The following JADE3 variants were observed in gnomAD, a reference collection of about 807,000 sequenced individuals.
The protein encoded by JADE3 is jade family PHD finger 3, also known as protein Jade-3.
In JADE3, 2 loss-of-function variants were observed where a neutral mutation model predicts 50.1. The observed-to-expected ratio is 0.04, with a 90% CI of 0.02 to 0.13. The LOEUF (loss-of-function observed/expected upper bound fraction) is 0.13. Ranked by LOEUF, JADE3 falls within the 10% of genes least tolerant of loss-of-function variation. The pLI, the probability that JADE3 is intolerant of heterozygous loss-of-function variation, is 1.00. For synonymous variants in JADE3, 218 were observed against 232.9 expected (o/e 0.94, Z 0.58); for missense variants, 475 against 634.4 (o/e 0.75, Z 2.70).
At chrX:47,039,090 A>G (rs782320420) in intron 8 of JADE3, 25 bp downstream of exon 8, 3 of 851,571 alleles carry the variant, frequency 3.5e-6, no homozygotes, top group Admixed American at 4.7e-5. Context: ...GAAGTGGTAG[A>G]GTGGGCTAAC....
chrX:46,992,524 C>A (rs1556356274), intron 3 of JADE3, among the ~76,000 whole-genome samples: 12 of 111,497 alleles, frequency 1.1e-4, no homozygotes. Context: ...CTGCAGGCAC[C>A]TGTCTCTCTG....
intron 1 of JADE3, among the ~76,000 whole-genome samples, chrX:46,954,643 C>A (rs1474187565): frequency 9.0e-6 from 1 of 111,239 alleles, no homozygotes; most frequent in Non-Finnish European, 1.9e-5. Flanking sequence ...CAGCCTCTGC[C>A]TCCCGGGTTC....
chrX:46,924,144 G>A (rs1556338382), intron 1 of JADE3, among the ~76,000 whole-genome samples: 1 of 111,864 alleles, frequency 8.9e-6, no homozygotes, highest in East Asian at 2.8e-4. Flanking sequence ...CACAGTGGGT[G>A]CTGTTTTCCT....
At chrX:46,989,194 A>C (rs1264336635) in intron 3 of JADE3, among the ~76,000 whole-genome samples, 2 of 111,576 alleles carry the variant, frequency 1.8e-5, no homozygotes, top group Admixed American at 1.9e-4. Context: ...ATAGCAGACT[A>C]TCACTTTTCT....
intron 3 of JADE3, among the ~76,000 whole-genome samples, chrX:46,987,834 G>T (rs1332247988): frequency 8.9e-6 from 1 of 111,963 alleles, no homozygotes; most frequent in Non-Finnish European, 1.9e-5. Flanking sequence ...CTTTTTTGTT[G>T]CAAGGGATAG....
At chrX:47,007,929 G>A (rs782189781) in intron 4 of JADE3, among the ~76,000 whole-genome samples, 1 of 104,590 alleles carries the variant, frequency 9.6e-6, no homozygotes, top group Non-Finnish European at 1.9e-5. Context: ...TACCAAACTC[G>A]ATCCATGTGA....
At chrX:47,018,229 C>T (rs1928716136) in intron 4 of JADE3, among the ~76,000 whole-genome samples, 1 of 111,420 alleles carries the variant, frequency 9.0e-6, no homozygotes, top group South Asian at 3.8e-4. Context: ...TCTTCCCACA[C>T]CTCCTTCTTC....
At chrX:46,916,845 G>A (rs1404905908) in intron 1 of JADE3, among the ~76,000 whole-genome samples, 1 of 111,571 alleles carries the variant, frequency 9.0e-6, no homozygotes, top group African/African-American at 3.3e-5. Flanking sequence ...GGGGTTCACA[G>A]GGAGTGATGG....
At chrX:47,035,074 G>A (rs1435117302) in intron 7 of JADE3, among the ~76,000 whole-genome samples, 1 of 110,081 alleles carries the variant, frequency 9.1e-6, no homozygotes, top group African/African-American at 3.3e-5. Flanking sequence ...TTAAAATGGG[G>A]CTTGAAGACA....
Position 47,058,182 on chromosome X carries a change from A to G in JADE3, c.1577A>G (p.Asn526Ser), listed in dbSNP as rs1929670035. The change falls in exon 11 of 11, where the codon AAT (asparagine) becomes AGT (serine). Residue 526 changes from asparagine to serine, a missense_variant. Around this residue, in one of 6 missense-constraint regions of JADE3, gnomAD observed 243 missense variants for 238.2 expected, o/e 1.02. Coordinates refer to ENST00000614628, the MANE Select transcript of JADE3 (RefSeq NM_014735.5). Reference sequence around the variant, plus strand: ...TTTATCTCAGGGCTTCCTTTGACAAATGCACTTGAAAACTCACTGTTTTAC... The same window carrying G: ...TTTATCTCAGGGCTTCCTTTGACAAGTGCACTTGAAAACTCACTGTTTTAC... ...QEIDAGLPLT[N>S]ALENSLFYPP... 1 of 1,204,582 alleles carries G rather than the reference A, an allele frequency of 8.3e-7. No individual in the cohort carries two copies. Among genetic ancestry groups the G allele is most frequent in the East Asian group, 3.0e-5 (1 of 33,786 alleles).
chrX:46,955,454 A>G (rs1291412004), intron 1 of JADE3, among the ~76,000 whole-genome samples: 2 of 112,150 alleles, frequency 1.8e-5, no homozygotes, highest in African/African-American at 6.5e-5. Flanking sequence ...AATTAAAGCT[A>G]GCTTTATTCA....
rs781938536 is a variant in JADE3 at position 47,030,821 on chromosome X, G to A, written c.687+2718G>A. 2.7e-5 allele frequency among the ~76,000 whole-genome samples: 3 copies of A among 111,627 alleles called. No individual in the cohort carries two copies. In the East Asian group the frequency reaches 8.4e-4, roughly 31 times the overall value. On this transcript the variant is annotated intron_variant, in intron 6 of 10. Coordinates refer to ENST00000614628, the MANE Select transcript of JADE3 (RefSeq NM_014735.5). ...AATCCCAGCACTTTGGGAGGCCGAG[G>A]CGGGTGGATCACGAGGTCAGGAGTT...
At chrX:47,027,859 A>C (rs1556365878) in intron 5 of JADE3, 33 bp from the exon 6 acceptor site, 1 of 1,149,156 alleles carries the variant, frequency 8.7e-7, no homozygotes, top group East Asian at 3.0e-5. Flanking sequence ...CAGCTGACTG[A>C]TGGGTTGATT....
intron 1 of JADE3, among the ~76,000 whole-genome samples, chrX:46,945,261 CAT>C (rs1416029166): frequency 9.0e-6 from 1 of 110,893 alleles, no homozygotes; most frequent in Non-Finnish European, 1.9e-5. Context: ...GATAGTCACT[CAT>C]AGACTTTAGC....
At chrX:46,916,506 C>T (rs1486389202) in intron 1 of JADE3, among the ~76,000 whole-genome samples, 6 of 111,207 alleles carry the variant, frequency 5.4e-5, no homozygotes, top group Non-Finnish European at 1.9e-5. Flanking sequence ...GTTTGTAAAC[C>T]GTGTAGAATC....
Position 47,060,994 on chromosome X carries a change from C to T in JADE3, c.*1917C>T, listed in dbSNP as rs1445322301. The T allele has an allele frequency of 8.9e-6, 1 of 111,876 alleles. No individual in the cohort carries two copies. The highest frequency in any genetic ancestry group is 3.3e-5 in the African/African-American group (1 of 30,757). 9.2% of individuals were successfully genotyped at this position (111,876 alleles called of 1,213,427 possible). On this transcript the variant is annotated 3_prime_UTR_variant, in exon 11 of 11. Transcript: ENST00000614628. ...GGAGAGTATTGACTAAAATATCATT[C>T]GTCAGGGAAATATAGTTGTAATATT...
chrX:47,024,955 G>GT (rs200351831), intron 5 of JADE3, 41 bp downstream of exon 5: 8,296 of 677,273 alleles, frequency 0.012, 5 homozygotes, highest in Admixed American at 0.022. Flanking sequence ...CTTAATTCAT[G>GT]TTTTTTTTTT....
chrX:46,939,491 A>T, intron 1 of JADE3, among the ~76,000 whole-genome samples: 1 of 111,703 alleles, frequency 9.0e-6, no homozygotes, highest in Non-Finnish European at 1.9e-5. Flanking sequence ...GCTCTCTTTC[A>T]ATGATGTGGA....
At chrX:46,925,333 GCT>G (rs1926331888) in intron 1 of JADE3, among the ~76,000 whole-genome samples, 1 of 112,157 alleles carries the variant, frequency 8.9e-6, no homozygotes, top group Non-Finnish European at 1.9e-5. Context: ...AAGGGAATAA[GCT>G]CTCAAATTTA....
Sources: gnomAD v4.1 joint callset for allele counts (sites outside exome capture counted in the v4.1 genomes callset) on GRCh38, gnomAD v4.1.1 for gene constraint, gnomAD v4.1.1 regional missense constraint, MANE v1.5 for transcripts, NCBI Gene and HGNC (gene_info 2026-07-23, HGNC 2026-07-21) for gene names.